Variants in ARL15 observed in about 807,000 individuals in gnomAD.
The protein encoded by ARL15 is ADP-ribosylation factor-like protein 15.
ARL15 carries 19 observed loss-of-function variants against 25.2 expected under a neutral mutation model. The ratio of observed to expected loss-of-function variants is 0.75; its 90% CI spans 0.53 to 1.10. The LOEUF is 1.10. Among genes scored for constraint, ARL15 ranks in the 50% least tolerant of loss-of-function variants. The probability of loss-of-function intolerance (pLI) is 0.00; values close to 1 mark genes in which losing one functional copy is unlikely to be tolerated. For missense variants in ARL15, 220 were observed against 246.0 expected, an observed-to-expected ratio of 0.89 and a Z score of 0.71; for synonymous variants, 94 against 86.8, an observed-to-expected ratio of 1.08 and a Z score of -0.46.
At chr5:53,978,069 G>A (rs1748000751) in intron 4 of ARL15, among the ~76,000 whole-genome samples, 1 of 152,072 alleles carries the variant, frequency 6.6e-6, no homozygotes, top group Non-Finnish European at 1.5e-5. Context: ...AATCCAAAAA[G>A]GTCTAGGTCA....
intron 3 of ARL15, among the ~76,000 whole-genome samples, chr5:54,151,939 G>A (rs1754081079): frequency 6.6e-6 from 1 of 152,050 alleles, no homozygotes; most frequent in Non-Finnish European, 1.5e-5. Flanking sequence ...GGGAGAACAG[G>A]GGCCATGCTG....
At chr5:54,090,759 C>A (rs1378121543) in intron 4 of ARL15, among the ~76,000 whole-genome samples, 1 of 152,000 alleles carries the variant, frequency 6.6e-6, no homozygotes, top group Non-Finnish European at 1.5e-5. Flanking sequence ...CCTTGGAATG[C>A]TAAGGAAAAG....
intron 4 of ARL15, among the ~76,000 whole-genome samples, chr5:54,043,008 C>A (rs1041746894): frequency 6.6e-6 from 1 of 152,166 alleles, no homozygotes; most frequent in African/African-American, 2.4e-5. Context: ...ACAAAGGCAT[C>A]ATGGCACCTC....
At chr5:54,249,672 CAA>C (rs11437578) in intron 1 of ARL15, among the ~76,000 whole-genome samples, 9,499 of 72,448 alleles carry the variant, frequency 0.13, 361 homozygotes, top group African/African-American at 0.19. Context: ...TGGTTAAGAG[CAA>C]AAAAAAAAAA....
chr5:54,029,309 C>CACCACCACCACCACCACT (rs1561194938), intron 4 of ARL15, among the ~76,000 whole-genome samples: 7 of 115,432 alleles, frequency 6.1e-5, no homozygotes, highest in African/African-American at 2.6e-4. Context: ...AAACAGTTAC[C>CACCACCACCACCACCACT]ACCACCACCA....
intron 1 of ARL15, among the ~76,000 whole-genome samples, chr5:54,190,782 C>T (rs1258696816): frequency 6.6e-6 from 1 of 152,130 alleles, no homozygotes; most frequent in African/African-American, 2.4e-5. Flanking sequence ...ACCATAACAG[C>T]TACTATCAGA....
intron 1 of ARL15, among the ~76,000 whole-genome samples, chr5:54,233,483 A>G (rs1756724174): frequency 6.6e-6 from 1 of 152,274 alleles, no homozygotes; most frequent in Admixed American, 6.5e-5. Context: ...TGAACTTGAC[A>G]TATTTACAAG....
At chr5:54,310,221 C>T in intron 1 of ARL15, 2 of 549,044 alleles carry the variant, frequency 3.6e-6, no homozygotes, top group East Asian at 3.0e-5. Context: ...CTGGCCCAGG[C>T]CGCACCTTTA....
chr5:53,922,376 C>A (rs1745883210), intron 4 of ARL15, among the ~76,000 whole-genome samples: 1 of 152,160 alleles, frequency 6.6e-6, no homozygotes, highest in African/African-American at 2.4e-5. Flanking sequence ...TGTACCAGTT[C>A]ATTTAGTCTT....
At chr5:54,080,865 T>G (rs1196271698) in intron 4 of ARL15, among the ~76,000 whole-genome samples, 5 of 152,180 alleles carry the variant, frequency 3.3e-5, no homozygotes, top group African/African-American at 7.2e-5. Context: ...ATAAGCATCT[T>G]AGTTTTCCAG....
intron 4 of ARL15, among the ~76,000 whole-genome samples, chr5:53,977,218 G>T (rs952431112): frequency 1.3e-5 from 2 of 152,006 alleles, no homozygotes; most frequent in African/African-American, 4.8e-5. Flanking sequence ...TTAGCCGGGC[G>T]TGGTGGCGGG....
At chr5:53,941,166 C>T (rs1746528445) in intron 4 of ARL15, among the ~76,000 whole-genome samples, 1 of 152,048 alleles carries the variant, frequency 6.6e-6, no homozygotes, top group South Asian at 2.1e-4. Flanking sequence ...TCCTTCTTCC[C>T]CTTTCCCTTT....
chr5:54,158,177 G>C (rs577412253), intron 2 of ARL15, among the ~76,000 whole-genome samples: 37 of 152,250 alleles, frequency 2.4e-4, no homozygotes, highest in African/African-American at 8.9e-4. Flanking sequence ...GTTGCTTTGA[G>C]GAATAAAAGC....
At chr5:54,181,435 A>C (rs1755053043) in intron 1 of ARL15, among the ~76,000 whole-genome samples, 1 of 152,208 alleles carries the variant, frequency 6.6e-6, no homozygotes, top group South Asian at 2.1e-4. Context: ...TTTTTCCTAA[A>C]GAGCAAAGTA....
intron 2 of ARL15, among the ~76,000 whole-genome samples, chr5:54,161,478 A>C (rs562709007): frequency 3.6e-4 from 55 of 152,336 alleles, no homozygotes; most frequent in African/African-American, 1.3e-3. Flanking sequence ...TCGTCTCATA[A>C]AGAAACAGAT....
chr5:54,123,202 C>T (rs1402467856), intron 3 of ARL15, among the ~76,000 whole-genome samples: 2 of 151,780 alleles, frequency 1.3e-5, no homozygotes, highest in African/African-American at 2.4e-5. Flanking sequence ...CTCTGCCTCC[C>T]GGGTTCAAGT....
chr5:54,004,670 A>C (rs1424710028), intron 4 of ARL15, among the ~76,000 whole-genome samples: 2 of 152,012 alleles, frequency 1.3e-5, no homozygotes, highest in Non-Finnish European at 2.9e-5. Flanking sequence ...CTTACTGGTA[A>C]ATTATTTTAG....
chr5:53,961,295 C>T (rs777827546), intron 4 of ARL15, among the ~76,000 whole-genome samples: 5 of 151,792 alleles, frequency 3.3e-5, no homozygotes, highest in Non-Finnish European at 5.9e-5. Flanking sequence ...GTCAGGAGTT[C>T]GAGATCATCC....
At position 53,907,488 on chromosome 5, in the gene ARL15, A is replaced by ACATATATAT. The variant is rs1745303676; in HGVS notation, c.463-20776_463-20775insATATATATG. Among the ~76,000 whole-genome samples, 8 of 18,012 alleles carry ACATATATAT rather than the reference A, an allele frequency of 4.4e-4. 1 individual carries two copies. Among genetic ancestry groups the ACATATATAT allele is most frequent in the African/African-American group, 2.3e-3 (8 of 3,466 alleles). 11.8% of individuals were successfully genotyped at this position (18,012 alleles called of 152,430 possible). On this transcript the variant is annotated intron_variant, in intron 4 of 4. Coordinates refer to ENST00000504924, the MANE Select transcript of ARL15 (RefSeq NM_019087.3). ...TATATATATATATATATATATATAT[A>ACATATATAT]TTTTTTTTTTTTTTTTTTTTTTTTT...
Sources: gnomAD v4.1 joint callset for allele counts (sites outside exome capture counted in the v4.1 genomes callset) on GRCh38, gnomAD v4.1.1 for gene constraint, MANE v1.5 for transcripts, NCBI Gene and HGNC (gene_info 2026-07-23, HGNC 2026-07-21) for gene names.